Variants in THTPA observed in about 807,000 individuals in gnomAD.
THTPA encodes thiamine-triphosphatase.
THTPA carries 16 observed loss-of-function variants against 16.5 expected under a neutral mutation model. That is an observed-to-expected ratio of 0.97 (90% CI 0.66 to 1.47). THTPA has a LOEUF of 1.47. THTPA is among the 40% of genes most tolerant of loss of function. THTPA has a pLI of 0.00. For synonymous variants in THTPA, 110 were observed against 115.5 expected, an observed-to-expected ratio of 0.95 and a Z score of 0.30; for missense variants, 281 against 280.9, an observed-to-expected ratio of 1.00 and a Z score of 0.00.
At chr14:23,527,913 T>C in the THTPA span, 1 of 1,059,166 alleles carries the variant, frequency 9.4e-7, no homozygotes, top group Non-Finnish European at 1.3e-6. Context: ...TTTTTTTTTT[T>C]TTTTTTTTTT....
chr14:23,533,919 A>G, the THTPA span: 1 of 1,538,126 alleles, frequency 6.5e-7, no homozygotes, highest in African/African-American at 1.4e-5. This position sits in a 1 kb window ranked among gnomAD's most constrained non-coding sequence, Gnocchi z 4.8. Context: ...GCATGTGCAC[A>G]TCCAGGGTCT....
chr14:23,559,916 TG>T lies in THTPA; in HGVS notation c.*1081del. Reference sequence around the variant, plus strand: ...CTTCTTCTATCCCTGGGTCTTGTCTTGGGGGAACTCCTGAAGCTCACCTTGT... The same window carrying T: ...CTTCTTCTATCCCTGGGTCTTGTCTTGGGGAACTCCTGAAGCTCACCTTGT... On this transcript the variant is annotated 3_prime_UTR_variant, in exon 2 of 2. Transcript: ENST00000288014. 1 of 1,611,756 alleles carries T rather than the reference TG, an allele frequency of 6.2e-7. No homozygotes were observed. Among genetic ancestry groups the T allele is most frequent in the African/African-American group, 1.3e-5 (1 of 74,988 alleles).
At chr14:23,541,269 G>T in the THTPA span, among the ~76,000 whole-genome samples, 4 of 150,554 alleles carry the variant, frequency 2.7e-5, no homozygotes, top group Admixed American at 6.6e-5. Context: ...ACTGAGGGCA[G>T]AATCTTAGAT....
At chr14:23,531,645 G>A in the THTPA span, 143 of 1,515,894 alleles carry the variant, frequency 9.4e-5, no homozygotes, top group Non-Finnish European at 1.2e-4. Context: ...GCGGGAGGGT[G>A]TCTCCCACGC....
At chr14:23,527,745 A>T in the THTPA span, 1 of 1,536,080 alleles carries the variant, frequency 6.5e-7, no homozygotes, top group Middle Eastern at 1.7e-4. Flanking sequence ...GGGAGAGTGT[A>T]TGAGCCCTCA....
chr14:23,530,652 G>T, the THTPA span: 2 of 345,788 alleles, frequency 5.8e-6, no homozygotes, highest in Non-Finnish European at 1.1e-5. Flanking sequence ...TGACAGATGT[G>T]TAGGAATTTA....
the THTPA span, among the ~76,000 whole-genome samples, chr14:23,516,052 T>C: frequency 3.3e-5 from 5 of 152,076 alleles, no homozygotes; most frequent in African/African-American, 7.2e-5. Flanking sequence ...GCAGGGTTGG[T>C]CCCTGGGTGC....
At chr14:23,548,999 G>A in the THTPA span, among the ~76,000 whole-genome samples, 3 of 152,008 alleles carry the variant, frequency 2.0e-5, no homozygotes, top group Admixed American at 6.5e-5. Flanking sequence ...TCCTTCGTTT[G>A]CCATCCATTT....
the THTPA span, chr14:23,524,956 G>A: frequency 9.8e-6 from 15 of 1,536,130 alleles, no homozygotes; most frequent in African/African-American, 2.7e-5. This position sits in a 1 kb window ranked among gnomAD's most constrained non-coding sequence, Gnocchi z 5.6. Context: ...TGCCTCCTCC[G>A]GTTGGCATGG....
the THTPA span, chr14:23,522,630 G>A: frequency 1.3e-6 from 2 of 1,535,118 alleles, no homozygotes; most frequent in East Asian, 2.4e-5. Flanking sequence ...CCAGCAGGGG[G>A]CAATGGAAAG....
the THTPA span, chr14:23,530,631 C>T: frequency 7.4e-3 from 2,621 of 352,526 alleles, 20 homozygotes; most frequent in Non-Finnish European, 0.011. Context: ...GATTACCGCT[C>T]AAGTAAGAAT....
chr14:23,517,242 T>C, the THTPA span, among the ~76,000 whole-genome samples: 5 of 152,240 alleles, frequency 3.3e-5, no homozygotes, highest in East Asian at 1.9e-4. Flanking sequence ...CAATTTTATC[T>C]TCTTCCCATA....
the THTPA span, chr14:23,534,580 G>C: frequency 1.4e-5 from 21 of 1,536,016 alleles, no homozygotes; most frequent in East Asian, 4.2e-4. This position sits in a 1 kb window ranked among gnomAD's most constrained non-coding sequence, Gnocchi z 4.5. Context: ...AAAGGCCTGG[G>C]GCTTGCTGAA....
At chr14:23,524,246 C>T in the THTPA span, 23 of 1,536,340 alleles carry the variant, frequency 1.5e-5, no homozygotes, top group Middle Eastern at 1.7e-4. This position sits in a 1 kb window ranked among gnomAD's most constrained non-coding sequence, Gnocchi z 5.6. Flanking sequence ...CTGTACCACT[C>T]GCTTTTTGAG....
the THTPA span, chr14:23,522,356 A>G: frequency 6.5e-7 from 1 of 1,535,914 alleles, no homozygotes; most frequent in Non-Finnish European, 8.7e-7. Flanking sequence ...CACGGTGGAG[A>G]TGCCAGTGCT....
chr14:23,530,032 C>T, the THTPA span: 9 of 1,312,970 alleles, frequency 6.9e-6, no homozygotes, highest in Admixed American at 1.8e-4. Context: ...TCCTTGAGCA[C>T]AGACATTGCT....
At chr14:23,542,909 GTA>G in the THTPA span, 1 of 152,076 alleles carries the variant, frequency 6.6e-6, no homozygotes, top group African/African-American at 2.4e-5. Context: ...CTAATTTTTT[GTA>G]TTTTAGTAGA....
chr14:23,521,851 G>A, the THTPA span: 7 of 1,480,244 alleles, frequency 4.7e-6, no homozygotes, highest in Non-Finnish European at 6.2e-6. Flanking sequence ...GTTCCTGTGA[G>A]GTGGGCGGGG....
the THTPA span, chr14:23,528,535 G>A: frequency 4.0e-5 from 36 of 906,276 alleles, no homozygotes; most frequent in Non-Finnish European, 4.7e-5. Flanking sequence ...TCTGTGAAAT[G>A]GTTCCATTTC....
Sources: gnomAD v4.1 joint callset for allele counts (sites outside exome capture counted in the v4.1 genomes callset) on GRCh38, gnomAD v4.1.1 for gene constraint, Gnocchi (gnomAD v3.1) non-coding constraint, MANE v1.5 for transcripts, NCBI Gene and HGNC (gene_info 2026-07-23, HGNC 2026-07-21) for gene names.